The following ZDHHC14 variants were observed in gnomAD, a reference collection of about 807,000 sequenced individuals.
The protein encoded by ZDHHC14 is zDHHC palmitoyltransferase 14.
ZDHHC14 carries 16 observed loss-of-function variants against 47.7 expected under a neutral mutation model. The ratio of observed to expected loss-of-function variants is 0.34; its 90% CI spans 0.23 to 0.51. ZDHHC14 has a LOEUF of 0.51. Among genes scored for constraint, ZDHHC14 ranks in the 20% least tolerant of loss-of-function variants. The pLI is 0.97. For synonymous variants in ZDHHC14, 293 were observed against 278.9 expected (o/e 1.05, Z -0.50); for missense variants, 515 against 662.5 (o/e 0.78, Z 2.44).
chr6:157,515,423 G>T (rs1033124642), intron 1 of ZDHHC14, among the ~76,000 whole-genome samples: 3 of 151,788 alleles, frequency 2.0e-5, no homozygotes, highest in African/African-American at 7.3e-5. Context: ...CAACGAACTG[G>T]GCGCACCCTT....
chr6:157,428,542 G>A (rs747392019), intron 1 of ZDHHC14, among the ~76,000 whole-genome samples: 6 of 151,346 alleles, frequency 4.0e-5, no homozygotes, highest in Admixed American at 6.6e-5. Context: ...TTTTATAGCG[G>A]TGCCCTCTGA....
intron 2 of ZDHHC14, among the ~76,000 whole-genome samples, chr6:157,570,921 C>T (rs982739744): frequency 1.3e-5 from 2 of 152,114 alleles, no homozygotes; most frequent in African/African-American, 4.8e-5. Context: ...TAGCATCTGA[C>T]AGTTCAAGGT....
At chr6:157,648,198 A>G (rs1288416861) in intron 7 of ZDHHC14, among the ~76,000 whole-genome samples, 1 of 152,214 alleles carries the variant, frequency 6.6e-6, no homozygotes, top group Non-Finnish European at 1.5e-5. Flanking sequence ...TCAAACCATG[A>G]TCAACAAATA....
intron 1 of ZDHHC14, among the ~76,000 whole-genome samples, chr6:157,524,760 G>C (rs1427368452): frequency 1.3e-5 from 2 of 152,146 alleles, no homozygotes. Context: ...GGAAACTGTA[G>C]GTAGAAAGAA....
intron 1 of ZDHHC14, among the ~76,000 whole-genome samples, chr6:157,524,131 A>ATT (rs879683007): frequency 1.4e-4 from 20 of 142,852 alleles, no homozygotes; most frequent in Non-Finnish European, 1.7e-4. Context: ...TTGATTGGCA[A>ATT]TTTTTTTTTT....
At chr6:157,614,085 C>T (rs540398956) in intron 3 of ZDHHC14, among the ~76,000 whole-genome samples, 5 of 152,316 alleles carry the variant, frequency 3.3e-5, no homozygotes, top group African/African-American at 1.2e-4. Context: ...TGGCAAGCCC[C>T]CCCACCGCTG....
At chr6:157,563,954 A>T (rs1413369663) in intron 2 of ZDHHC14, among the ~76,000 whole-genome samples, 2 of 152,202 alleles carry the variant, frequency 1.3e-5, no homozygotes, top group Non-Finnish European at 2.9e-5. Flanking sequence ...CTAAGGGGGA[A>T]CCCCTGTCTG....
chr6:157,599,381 C>T (rs148924541), intron 3 of ZDHHC14, among the ~76,000 whole-genome samples: 2,254 of 152,272 alleles, frequency 0.015, 32 homozygotes, highest in Non-Finnish European at 0.022. Context: ...CTGCAGCTCT[C>T]GACGAAACTC....
At chr6:157,568,404 A>G (rs1026327556) in intron 2 of ZDHHC14, among the ~76,000 whole-genome samples, 2 of 152,120 alleles carry the variant, frequency 1.3e-5, no homozygotes, top group African/African-American at 4.8e-5. Context: ...TTTTTACCCA[A>G]TGGGATCACA....
intron 1 of ZDHHC14, among the ~76,000 whole-genome samples, chr6:157,525,053 C>G (rs1357806497): frequency 6.6e-6 from 1 of 152,224 alleles, no homozygotes; most frequent in Non-Finnish European, 1.5e-5. Context: ...CATCTCAAGA[C>G]TGGGCCCGGG....
intron 1 of ZDHHC14, among the ~76,000 whole-genome samples, chr6:157,425,760 G>T (rs2114775163): frequency 6.6e-6 from 1 of 152,236 alleles, no homozygotes; most frequent in African/African-American, 2.4e-5. Context: ...TGTTTCCCCT[G>T]CAGCCTCATC....
intron 3 of ZDHHC14, among the ~76,000 whole-genome samples, chr6:157,601,083 C>T (rs1264847588): frequency 2.0e-5 from 3 of 152,144 alleles, no homozygotes; most frequent in Non-Finnish European, 1.5e-5. Flanking sequence ...CCGCAGCGCA[C>T]GGGGCTCCTG....
chr6:157,444,593 A>G (rs920012917), intron 1 of ZDHHC14, among the ~76,000 whole-genome samples: 1 of 151,788 alleles, frequency 6.6e-6, no homozygotes, highest in Non-Finnish European at 1.5e-5. Flanking sequence ...GAGGAGAATC[A>G]CTTGAACCCA....
chr6:157,503,204 G>A (rs35185874), intron 1 of ZDHHC14, among the ~76,000 whole-genome samples: 64,646 of 151,944 alleles, frequency 0.43, 13,928 homozygotes, highest in East Asian at 0.5. Flanking sequence ...CCTCCACACC[G>A]GCCACCTTCC....
chr6:157,568,838 G>A (rs1020905029), intron 2 of ZDHHC14, among the ~76,000 whole-genome samples: 7 of 152,034 alleles, frequency 4.6e-5, no homozygotes, highest in African/African-American at 1.7e-4. Context: ...TTGAAATTGG[G>A]GGTTGGGGGC....
intron 1 of ZDHHC14, among the ~76,000 whole-genome samples, chr6:157,537,478 A>C (rs1781584666): frequency 6.6e-6 from 1 of 152,238 alleles, no homozygotes; most frequent in South Asian, 2.1e-4. Context: ...AAGGCTTCTC[A>C]TCATTTTAGT....
chr6:157,535,842 G>A (rs572493003), intron 1 of ZDHHC14, among the ~76,000 whole-genome samples: 1 of 152,268 alleles, frequency 6.6e-6, no homozygotes, highest in African/African-American at 2.4e-5. Context: ...CAAGTAATGC[G>A]CTCATCTTTG....
rs1417246528 is a variant in ZDHHC14 at position 157,502,956 on chromosome 6, A to G, written c.246-39629A>G. The stretch of plus-strand genomic sequence containing the variant: ...TCAACTTGCCTTGGCTTCCCAAAGT[A>G]TTGGAATTACAGGCATGAGCCACCG... On this transcript the variant is annotated intron_variant, in intron 1 of 8. Transcript: ENST00000359775. The surrounding 1 kb of genome is among the most constrained non-coding windows in gnomAD (Gnocchi z 4.0). 6.6e-6 allele frequency among the ~76,000 whole-genome samples: 1 copy of G among 152,158 alleles called. No homozygotes were observed. The highest frequency in any genetic ancestry group is 2.4e-5 in the African/African-American group (1 of 41,448).
chr6:157,522,253 A>G (rs1181490214), intron 1 of ZDHHC14, among the ~76,000 whole-genome samples: 5 of 152,216 alleles, frequency 3.3e-5, no homozygotes, highest in African/African-American at 1.2e-4. Flanking sequence ...TTCTAGATAC[A>G]AATATTATGT....
Sources: allele counts gnomAD v4.1 joint callset (sites outside exome capture counted in the v4.1 genomes callset), GRCh38; gene constraint gnomAD v4.1.1; non-coding constraint Gnocchi (gnomAD v3.1); transcripts MANE v1.5; gene names NCBI Gene and HGNC (gene_info 2026-07-23, HGNC 2026-07-21).